ERCC1: variants seen among roughly 807,000 people sequenced by gnomAD.
ERCC1 encodes DNA excision repair protein ERCC-1.
Under a neutral mutation model 37.6 loss-of-function variants are expected in ERCC1, and 36 were observed. The ratio of observed to expected loss-of-function variants is 0.96; its 90% confidence interval spans 0.73 to 1.26. ERCC1 has a LOEUF of 1.26. Ranked by LOEUF, ERCC1 falls within the 50% of genes most tolerant of loss-of-function variation. The pLI is 0.00. For synonymous variants in ERCC1, 156 were observed against 162.1 expected (o/e 0.96, Z 0.28); for missense variants, 349 against 376.5 (o/e 0.93, Z 0.60).
upstream of ERCC1, among the ~76,000 whole-genome samples, chr19:45,425,394 T>A (rs901112865): frequency 6.6e-6 from 1 of 151,944 alleles, no homozygotes; most frequent in African/African-American, 2.4e-5. Flanking sequence ...ATTTATTTAT[T>A]TATTATTTTT....
Position 45,408,497 on chromosome 19 carries a change from A to T in ERCC1, c.*1178T>A. On this transcript the variant is annotated 3_prime_UTR_variant, in exon 10 of 10. Transcript: ENST00000300853. ...CCTGCTCACCTCAGGGAAGAAGAAA[A>T]AGGAGATGCAGGTGACAGAGGCCCC... The T allele has an allele frequency of 6.2e-7, 1 of 1,613,994 alleles. No homozygotes were observed. The highest frequency in any genetic ancestry group is 8.5e-7 in the Non-Finnish European group (1 of 1,179,964).
At chr19:45,414,982 C>G in intron 6 of ERCC1, 22 bp from the exon 7 acceptor site, 1 of 1,560,642 alleles carries the variant, frequency 6.4e-7, no homozygotes. Flanking sequence ...GGATACAGGG[C>G]AGCCGGGAGG....
chr19:45,414,473 T>C (rs2123471708), intron 7 of ERCC1: 1 of 302,598 alleles, frequency 3.3e-6, no homozygotes, highest in Non-Finnish European at 6.2e-6. Flanking sequence ...TGAGACTCCA[T>C]CTCAAAAAAA....
At chr19:45,448,507 G>C (rs1184156040) in intron 1 of ERCC1, among the ~76,000 whole-genome samples, 1 of 152,056 alleles carries the variant, frequency 6.6e-6, no homozygotes, top group Non-Finnish European at 1.5e-5. Flanking sequence ...GAGATACATA[G>C]AGATGATGAG....
chr19:45,423,088 G>A (rs1974537842), intron 2 of ERCC1, among the ~76,000 whole-genome samples, 182 bp downstream of exon 2: 1 of 152,118 alleles, frequency 6.6e-6, no homozygotes, highest in Non-Finnish European at 1.5e-5. Flanking sequence ...CCCTCTCTTA[G>A]AACCACCCAT....
Position 45,408,182 on chromosome 19 carries a change from A to C in ERCC1, c.*1493T>G, listed in dbSNP as rs1455919962. The C allele has an allele frequency of 3.7e-6, 6 of 1,612,602 alleles. No homozygotes were observed. Among genetic ancestry groups the C allele is most frequent in the Non-Finnish European group, 5.1e-6 (6 of 1,178,936 alleles). ...CTCTGGCTCCCAGATCGTCAAGGGC[A>C]AATTGGCAGGCAAGCGGCACCGCTA... On this transcript the variant is annotated 3_prime_UTR_variant, in exon 10 of 10. Coordinates refer to ENST00000300853, the MANE Select transcript of ERCC1 (RefSeq NM_001983.4).
chr19:45,428,632 G>C (rs1304652666), upstream of ERCC1, among the ~76,000 whole-genome samples: 3 of 152,208 alleles, frequency 2.0e-5, no homozygotes, highest in Non-Finnish European at 2.9e-5. Context: ...GTTCGCCCCG[G>C]AACGGGTGGG....
At chr19:45,431,497 GAGAAACCCATCTC>G (rs1174755227) in intron 1 of ERCC1, among the ~76,000 whole-genome samples, 12 of 152,156 alleles carry the variant, frequency 7.9e-5, no homozygotes, top group Admixed American at 2.6e-4. Context: ...GACCAACACG[GAGAAACCCATCTC>G]TACTAAAAAT....
At chr19:45,438,805 C>A (rs915894271) in intron 1 of ERCC1, among the ~76,000 whole-genome samples, 2 of 151,988 alleles carry the variant, frequency 1.3e-5, no homozygotes, top group Admixed American at 1.3e-4. Flanking sequence ...CCACGCCCGG[C>A]TAATTTTGTA....
In ERCC1 at chr19:45,414,872, A is replaced by C. The variant is rs1479133588; in HGVS notation, c.691T>G (p.Phe231Val). ...TGAGGTGGCCTCACCCGGGAGACGA[A>C]GTCCTGCTCTAGCTTCTCCATCAGG... is the stretch of plus-strand genomic sequence containing the variant. ...DLLMEKLEQD[F>V]VSRVTECLTT... is the part of the protein sequence containing the mutation. Residue 231 changes from phenylalanine (F) to valine (V), a missense_variant, in exon 7 of 10, where the codon TTC becomes GTC. Phe to Val is a conservative substitution (Grantham distance 50). Coordinates refer to ENST00000300853, the MANE Select transcript of ERCC1 (RefSeq NM_001983.4). 2 of 1,613,004 alleles carry C rather than the reference A, an allele frequency of 1.2e-6. No individual in the cohort carries two copies. The highest frequency in any genetic ancestry group is 1.7e-6 in the Non-Finnish European group (2 of 1,179,126).
Position 45,423,380 on chromosome 19 carries a change from G to A in ERCC1, c.-6C>T, listed in dbSNP as rs773555574. ...TTGTCCTTCCCAGGGTCCATCTGGA[G>A]CCTGAAAGGGAAGGTGCCAGGAGCG... On this transcript the variant is annotated splice_region_variant and 5_prime_UTR_variant, in exon 2 of 10. Coordinates refer to ENST00000300853, the MANE Select transcript of ERCC1 (RefSeq NM_001983.4). 2.7e-5 allele frequency: 44 copies of A among 1,609,760 alleles called. No homozygotes were observed. In the South Asian group the frequency reaches 4.3e-4, roughly 16 times the overall value.
chr19:45,408,829 C>G lies in ERCC1; in HGVS notation c.*846G>C. ...TAGAAGACACAGTCCTGTCCCCGACCAAAAAGAGAAAGAGGCAAAAGGGGA... is the reference window on the plus strand; with the variant it reads ...TAGAAGACACAGTCCTGTCCCCGACGAAAAAGAGAAAGAGGCAAAAGGGGA... On this transcript the variant is annotated 3_prime_UTR_variant, in exon 10 of 10. Transcript: ENST00000300853. 1.2e-6 allele frequency: 2 copies of G among 1,613,982 alleles called. No individual in the cohort carries two copies. Among genetic ancestry groups the G allele is most frequent in the Non-Finnish European group, 1.7e-6 (2 of 1,179,998 alleles).
At chr19:45,424,922 C>CTTT (rs986137310), upstream of ERCC1, among the ~76,000 whole-genome samples, 9,267 of 121,770 alleles carry the variant, frequency 0.076, 1,369 homozygotes, top group African/African-American at 0.28. Context: ...TCTTTTTTTT[C>CTTT]TTTTTTTTTT....
intron 1 of ERCC1, among the ~76,000 whole-genome samples, chr19:45,448,003 C>T (rs1967001111): frequency 6.6e-6 from 1 of 152,104 alleles, no homozygotes; most frequent in Non-Finnish European, 1.5e-5. Flanking sequence ...TCCCAAGTAG[C>T]TGGGACTACA....
intron 1 of ERCC1, among the ~76,000 whole-genome samples, chr19:45,430,165 C>G (rs995523259): frequency 6.6e-6 from 1 of 152,216 alleles, no homozygotes; most frequent in African/African-American, 2.4e-5. Flanking sequence ...TCTCAGTCAT[C>G]GCCTTGTCCC....
intron 1 of ERCC1, among the ~76,000 whole-genome samples, chr19:45,438,755 C>A (rs1013653428): frequency 6.6e-6 from 1 of 152,060 alleles, no homozygotes; most frequent in Admixed American, 6.6e-5. Flanking sequence ...AATTCTCCTG[C>A]CTCAGCCTCC....
At chr19:45,410,705 T>C (rs1387003197) in intron 9 of ERCC1, 1 of 152,108 alleles carries the variant, frequency 6.6e-6, no homozygotes, top group African/African-American at 2.4e-5. Flanking sequence ...TTTTGATTTT[T>C]AGATACACAA....
Position 45,421,364 on chromosome 19 carries a change from G to A in ERCC1, c.135C>T (p.Ser45=), listed in dbSNP as rs1974412397. The change falls in exon 3 of 10, where the codon AGC becomes AGT. Residue 45 remains serine (S), a synonymous_variant. Coordinates refer to ENST00000300853, the MANE Select transcript of ERCC1 (RefSeq NM_001983.4). ...GGGCCGAGGTGTCCACAGTGGGAAG[G>A]CTCTGTGTAGATCGGAATAAGGGCT... is the stretch of plus-strand genomic sequence containing the variant. ...VAKPLFRSTQ[S]LPTVDTSAQA... is the part of the protein sequence containing the mutation. The A allele has an allele frequency of 1.2e-6, 2 of 1,613,480 alleles. No homozygotes were observed. The highest frequency in any genetic ancestry group is 1.1e-5 in the South Asian group (1 of 91,060).
At chr19:45,422,541 G>A (rs1974501269) in intron 2 of ERCC1, among the ~76,000 whole-genome samples, 1 of 152,116 alleles carries the variant, frequency 6.6e-6, no homozygotes, top group African/African-American at 2.4e-5. Flanking sequence ...GGGAGGCCGA[G>A]GTGGGCGGAT....
Sources: gnomAD v4.1 joint callset for allele counts (sites outside exome capture counted in the v4.1 genomes callset) on GRCh38, gnomAD v4.1.1 for gene constraint, MANE v1.5 for transcripts, NCBI Gene and HGNC (gene_info 2026-07-23, HGNC 2026-07-21) for gene names.